Variants in PARD3B observed in about 807,000 individuals in gnomAD.
PARD3B encodes par-3 family cell polarity regulator beta, also known as partitioning defective 3 homolog B.
PARD3B carries 103 observed loss-of-function variants against 130.2 expected under a neutral mutation model. The observed-to-expected ratio is 0.79, with a 90% confidence interval of 0.67 to 0.93. The LOEUF (loss-of-function observed/expected upper bound fraction) is 0.93. Ranked by LOEUF, PARD3B falls within the 40% of genes least tolerant of loss-of-function variation. The pLI, the probability that PARD3B is intolerant of heterozygous loss-of-function variation, is 0.00. For synonymous variants in PARD3B, 583 were observed against 553.2 expected, an observed-to-expected ratio of 1.05 and a Z score of -0.76; for missense variants, 1,609 against 1,499.2, an observed-to-expected ratio of 1.07 and a Z score of -1.21.
intron 11 of PARD3B, among the ~76,000 whole-genome samples, chr2:205,166,865 A>G (rs921169696): frequency 2.6e-5 from 4 of 152,282 alleles, no homozygotes; most frequent in Non-Finnish European, 5.9e-5. Flanking sequence ...ATAATATCCC[A>G]GGAGGCCGTA....
rs1463902605 is a variant in PARD3B, at chr2:204,861,384, TAAATG to T, written c.223-103763_223-103759del. On this transcript the variant is annotated intron_variant, in intron 2 of 22. Transcript: ENST00000406610. The stretch of plus-strand genomic sequence containing the variant: ...ATTAAGAAAAATATTTGGGGATTTT[TAAATG>T]AAATTTAAAGTGGAAATGTATTACT... 3.3e-5 allele frequency among the ~76,000 whole-genome samples: 5 copies of T among 152,306 alleles called. No individual in the cohort carries two copies. The South Asian group carries it at 1.0e-3, about 32-fold the overall frequency.
intron 3 of PARD3B, among the ~76,000 whole-genome samples, chr2:205,019,294 A>G (rs755007314): frequency 9.2e-5 from 14 of 152,172 alleles, no homozygotes; most frequent in Non-Finnish European, 1.6e-4. Context: ...AGGTTCATCC[A>G]TGCTGTAGCA....
chr2:205,329,505 T>C (rs983771766), intron 18 of PARD3B, among the ~76,000 whole-genome samples: 1 of 152,192 alleles, frequency 6.6e-6, no homozygotes, highest in African/African-American at 2.4e-5. Flanking sequence ...GAAGAACTCT[T>C]GCAAGGTAAC....
chr2:204,894,055 TA>T (rs570949073), intron 2 of PARD3B, among the ~76,000 whole-genome samples: 2,604 of 144,040 alleles, frequency 0.018, 21 homozygotes, highest in African/African-American at 0.034. Flanking sequence ...CTATTTTAGT[TA>T]AAAAAAAAAA....
chr2:205,517,302 C>T (rs1306408053), intron 21 of PARD3B, among the ~76,000 whole-genome samples: 1 of 152,004 alleles, frequency 6.6e-6, no homozygotes, highest in Non-Finnish European at 1.5e-5. Flanking sequence ...AGGAGTTTCT[C>T]TTGAGAGGGT....
At chr2:205,369,881 G>A (rs1047601832) in intron 18 of PARD3B, among the ~76,000 whole-genome samples, 1 of 152,168 alleles carries the variant, frequency 6.6e-6, no homozygotes, top group Non-Finnish European at 1.5e-5. Flanking sequence ...ATAAAATAGA[G>A]ATTATATGCT....
At chr2:204,986,883 A>G (rs1371231051) in intron 3 of PARD3B, among the ~76,000 whole-genome samples, 1 of 152,212 alleles carries the variant, frequency 6.6e-6, no homozygotes, top group East Asian at 1.9e-4. Context: ...TGTGTTGCAT[A>G]TCTCCCTCAG....
Position 205,369,671 on chromosome 2 carries a change from T to C in PARD3B, c.2631-31342T>C, listed in dbSNP as rs1239812286. Among the ~76,000 whole-genome samples, 3 of 152,326 alleles carry C rather than the reference T, an allele frequency of 2.0e-5. No individual in the cohort carries two copies. The East Asian group carries it at 5.8e-4, about 29-fold the overall frequency. On this transcript the variant is annotated intron_variant, in intron 18 of 22. Coordinates refer to ENST00000406610, the MANE Select transcript of PARD3B (RefSeq NM_001302769.2). ...TCTAACTCTATCCTGTGGAGGCTTC[T>C]TCAGCTTACCACCTCAATGCTTTAA... is the stretch of plus-strand genomic sequence containing the variant.
chr2:205,241,682 G>A lies in PARD3B; in HGVS notation c.2141-4096G>A, dbSNP rs1250442184. Among the ~76,000 whole-genome samples the A allele has an allele frequency of 5.9e-5, 9 of 152,136 alleles. No homozygotes were observed. In the East Asian group the frequency reaches 1.5e-3, roughly 26 times the overall value. ...CTCCATCAACACTCTCTTACTCAATGCTTTTAATTAATACTTTACTGTTTT... is the reference window on the plus strand; with the variant it reads ...CTCCATCAACACTCTCTTACTCAATACTTTTAATTAATACTTTACTGTTTT... On this transcript the variant is annotated intron_variant, in intron 15 of 22. Transcript: ENST00000406610. The surrounding 1 kb of genome is among the most constrained non-coding windows in gnomAD (Gnocchi z 4.2).
At chr2:204,841,488 A>G (rs1000938774) in intron 2 of PARD3B, among the ~76,000 whole-genome samples, 1 of 152,146 alleles carries the variant, frequency 6.6e-6, no homozygotes, top group Non-Finnish European at 1.5e-5. Flanking sequence ...TTGTTGAGTT[A>G]CAAGTGCAAC....
At chr2:204,995,061 G>C (rs376914982) in intron 3 of PARD3B, among the ~76,000 whole-genome samples, 1 of 151,476 alleles carries the variant, frequency 6.6e-6, no homozygotes, top group African/African-American at 2.4e-5. Context: ...CTTTTAATTG[G>C]AGAATTTAGT....
intron 16 of PARD3B, among the ~76,000 whole-genome samples, chr2:205,250,289 C>A (rs1300057853): frequency 1.3e-5 from 2 of 151,692 alleles, no homozygotes; most frequent in Non-Finnish European, 2.9e-5. Flanking sequence ...TGACTGTCTG[C>A]AGAGATCTTT....
chr2:205,360,808 G>A (rs942104305), intron 18 of PARD3B, among the ~76,000 whole-genome samples: 19 of 152,206 alleles, frequency 1.2e-4, no homozygotes, highest in African/African-American at 4.6e-4. Flanking sequence ...GAAATGAGAT[G>A]TCCCAGACAC....
intron 1 of PARD3B, among the ~76,000 whole-genome samples, chr2:204,547,961 C>A (rs2030118263): frequency 6.6e-6 from 1 of 152,132 alleles, no homozygotes; most frequent in Admixed American, 6.5e-5. Flanking sequence ...TTTCTGTTTA[C>A]ATTTATATAT....
At chr2:204,576,486 C>G (rs1203129303) in intron 1 of PARD3B, among the ~76,000 whole-genome samples, 2 of 152,122 alleles carry the variant, frequency 1.3e-5, no homozygotes, top group African/African-American at 2.4e-5. Context: ...ACTCTTCTAT[C>G]TGGTGGTTCT....
rs2105819153 is a variant in PARD3B at position 205,276,775 on chromosome 2, T to C, written c.2186-23755T>C. Among the ~76,000 whole-genome samples, 1 of 152,328 alleles carries C rather than the reference T, an allele frequency of 6.6e-6. No homozygotes were observed. Among genetic ancestry groups the C allele is most frequent in the African/African-American group, 2.4e-5 (1 of 41,580 alleles). On this transcript the variant is annotated intron_variant, in intron 16 of 22. Coordinates refer to ENST00000406610, the MANE Select transcript of PARD3B (RefSeq NM_001302769.2). This position sits in a 1 kb window ranked among gnomAD's most constrained non-coding sequence, Gnocchi z 5.0. ...TCATCCTGCTAGAGAGACCTATAGA[T>C]TGGTGGTTAACCACATGGATATTGC... is the stretch of plus-strand genomic sequence containing the variant.
At chr2:205,026,525 T>G (rs1263224945) in intron 3 of PARD3B, among the ~76,000 whole-genome samples, 2 of 152,190 alleles carry the variant, frequency 1.3e-5, no homozygotes, top group Non-Finnish European at 2.9e-5. Context: ...CATTTGTGCA[T>G]GTGTCTATAT....
At chr2:204,801,069 A>G (rs1350988177) in intron 2 of PARD3B, among the ~76,000 whole-genome samples, 9 of 152,062 alleles carry the variant, frequency 5.9e-5, no homozygotes, top group Non-Finnish European at 1.5e-5. Flanking sequence ...TCATTGGTCT[A>G]CATATCTGTT....
chr2:205,581,241 GATAT>G (rs975053256), intron 22 of PARD3B, among the ~76,000 whole-genome samples: 5 of 126,314 alleles, frequency 4.0e-5, no homozygotes, highest in Non-Finnish European at 7.9e-5. Context: ...GATATATATA[GATAT>G]ATATAGATAT....
Sources: gnomAD v4.1 joint callset for allele counts (sites outside exome capture counted in the v4.1 genomes callset) on GRCh38, gnomAD v4.1.1 for gene constraint, Gnocchi (gnomAD v3.1) non-coding constraint, MANE v1.5 for transcripts, NCBI Gene and HGNC (gene_info 2026-07-23, HGNC 2026-07-21) for gene names.